Variants in ABCD3 observed in about 807,000 individuals in gnomAD.
ABCD3 encodes ATP binding cassette subfamily D member 3, also known as ATP-binding cassette sub-family D member 3.
Under a neutral mutation model 105.5 loss-of-function variants are expected in ABCD3, and 41 were observed. The ratio of observed to expected loss-of-function variants is 0.39; its 90% CI spans 0.30 to 0.50. ABCD3 has a LOEUF of 0.50. ABCD3 is among the 20% of genes least tolerant of loss of function. The pLI, the probability that ABCD3 is intolerant of heterozygous loss-of-function variation, is 0.84. For synonymous variants in ABCD3, 258 were observed against 269.0 expected (o/e 0.96, Z 0.40); for missense variants, 622 against 806.3 (o/e 0.77, Z 2.77).
At chr1:94,440,573 C>G (rs1325472246) in intron 1 of ABCD3, among the ~76,000 whole-genome samples, 1 of 152,204 alleles carries the variant, frequency 6.6e-6, no homozygotes, top group Non-Finnish European at 1.5e-5. Flanking sequence ...CCTCCCAGTT[C>G]AGCTGCTGCT....
chr1:94,513,963 T>TC (rs1205878374), intron 21 of ABCD3: 1 of 152,058 alleles, frequency 6.6e-6, no homozygotes, highest in Non-Finnish European at 1.5e-5. Context: ...ACATTAGAAG[T>TC]TTTATTTTAT....
chr1:94,472,411 A>G (rs1648525771), intron 4 of ABCD3, among the ~76,000 whole-genome samples: 1 of 150,394 alleles, frequency 6.6e-6, no homozygotes, highest in Admixed American at 6.6e-5. Flanking sequence ...ATTGCTATAA[A>G]CAACATTTTT....
In ABCD3 at chr1:94,475,279, TAGA is replaced by T. The variant is rs769203193; in HGVS notation, c.503+43_503+45del. On this transcript the variant is annotated intron_variant, in intron 6 of 22. Transcript: ENST00000370214. ...TATTTTTATATTAAAAATATTTAAATAGAAGAGTATTTATGAAGCTGATCAATA... is the reference window on the plus strand; with the variant it reads ...TATTTTTATATTAAAAATATTTAAATAGAGTATTTATGAAGCTGATCAATA... 9.3e-6 allele frequency: 12 copies of T among 1,287,158 alleles called. No individual in the cohort carries two copies. The East Asian group carries it at 1.0e-4, about 11-fold the overall frequency. The allele number at this position is 1,287,158 out of a possible 1,614,324, so 79.7% of individuals were successfully genotyped here. A position where few individuals can be genotyped will look rare whatever the true frequency, so the allele number is the denominator to read the frequency against.
At chr1:94,444,218 G>C (rs1270000720) in intron 1 of ABCD3, among the ~76,000 whole-genome samples, 1 of 151,344 alleles carries the variant, frequency 6.6e-6, no homozygotes, top group African/African-American at 2.4e-5. Flanking sequence ...TGTAGTCCAA[G>C]CTACTTAGGA....
Position 94,487,925 on chromosome 1 carries a change from A to T in ABCD3, c.1099A>T (p.Met367Leu). Residue 367 changes from methionine (M) to leucine (L), a missense_variant, in exon 13 of 23, where the codon ATG (methionine) becomes TTG (leucine). Physicochemically the swap from Met to Leu is conservative, Grantham distance 15. Around this residue, in one of 4 missense-constraint regions of ABCD3, gnomAD observed 3 missense variants for 20.0 expected, o/e 0.15. Transcript: ENST00000370214. ...YYQSGRMLLR[M>L]SQALGRIVLA... ...CCAAAGTGGAAGAATGCTTTTGCGAATGTCTCAAGCTCTGGGTCGAATAGT... is the reference window on the plus strand; with the variant it reads ...CCAAAGTGGAAGAATGCTTTTGCGATTGTCTCAAGCTCTGGGTCGAATAGT... 6.2e-7 allele frequency: 1 copy of T among 1,613,932 alleles called. No individual in the cohort carries two copies. Among genetic ancestry groups the T allele is most frequent in the Non-Finnish European group, 8.5e-7 (1 of 1,179,890 alleles).
At chr1:94,472,128 T>C (rs1648485744) in intron 4 of ABCD3, 1 of 610,068 alleles carries the variant, frequency 1.6e-6, no homozygotes, top group South Asian at 7.2e-5. Flanking sequence ...TTGTAGTGAT[T>C]AGGGCTATTG....
At chr1:94,506,174 C>T (rs1421815975) in intron 20 of ABCD3, among the ~76,000 whole-genome samples, 2 of 152,024 alleles carry the variant, frequency 1.3e-5, no homozygotes, top group East Asian at 1.9e-4. Flanking sequence ...GACCTTTTTG[C>T]GTCGGAGTCA....
intron 1 of ABCD3, chr1:94,432,733 TAA>T (rs762338430): frequency 6.6e-6 from 1 of 152,206 alleles, no homozygotes; most frequent in Non-Finnish European, 1.5e-5. Context: ...ATTCAGGGGT[TAA>T]AAAAGGTTTT....
intron 1 of ABCD3, 101 bp from the exon 2 acceptor site, chr1:94,458,506 A>G: frequency 9.5e-7 from 1 of 1,050,830 alleles, no homozygotes; most frequent in Non-Finnish European, 1.5e-6. Context: ...AAAAGAAGAA[A>G]CGCTTTTAAA....
At chr1:94,506,847 G>C (rs1650379215) in intron 21 of ABCD3, among the ~76,000 whole-genome samples, 1 of 151,522 alleles carries the variant, frequency 6.6e-6, no homozygotes, top group Non-Finnish European at 1.5e-5. Context: ...CTTTATATAT[G>C]GGAAATAGAT....
At chr1:94,412,273 C>G in the ABCD3 span, among the ~76,000 whole-genome samples, 2 of 152,066 alleles carry the variant, frequency 1.3e-5, no homozygotes, top group African/African-American at 4.8e-5. Flanking sequence ...ACTAAGTTAC[C>G]CTTCTTGCAG....
In ABCD3 at chr1:94,498,689, A is replaced by G. The variant is rs777090814; in HGVS notation, c.1464+10A>G. 1.2e-6 allele frequency: 2 copies of G among 1,613,684 alleles called. No individual in the cohort carries two copies. The highest frequency in any genetic ancestry group is 3.3e-5 in the Admixed American group (2 of 59,946). ...CCGTGTTCTTGGTGAAGTAAGTACA[A>G]GTTGGCCTCAAAATTTTGCAGTCTT... On this transcript the variant is annotated intron_variant, in intron 17 of 22. Transcript: ENST00000370214.
chr1:94,488,920 A>G (rs1225733058), intron 13 of ABCD3, among the ~76,000 whole-genome samples: 1 of 143,050 alleles, frequency 7.0e-6, no homozygotes, highest in Admixed American at 7.1e-5. Context: ...TCTTTTTTCC[A>G]CTTTGTTGAG....
At chr1:94,487,366 G>GA (rs1172167406) in intron 10 of ABCD3, among the ~76,000 whole-genome samples, 176 bp from the exon 11 acceptor site, 4 of 152,160 alleles carry the variant, frequency 2.6e-5, no homozygotes, top group Admixed American at 1.3e-4. Context: ...CCCGCTCTGT[G>GA]AAGAGCATTG....
the ABCD3 span, among the ~76,000 whole-genome samples, chr1:94,390,061 A>C: frequency 1.3e-5 from 2 of 152,092 alleles, no homozygotes; most frequent in African/African-American, 4.8e-5. Context: ...GTCCTTACTG[A>C]TGGAAATTAA....
chr1:94,495,521 A>C (rs1364582443), intron 16 of ABCD3, among the ~76,000 whole-genome samples: 1 of 152,322 alleles, frequency 6.6e-6, no homozygotes, highest in East Asian at 1.9e-4. Context: ...AACACTACCA[A>C]ATGCCGTGAA....
chr1:94,418,565 G>A lies in ABCD3; in HGVS notation c.87G>A (p.Arg29=), dbSNP rs371599620. The A allele has an allele frequency of 2.5e-6, 4 of 1,601,894 alleles. No individual in the cohort carries two copies. The highest frequency in any genetic ancestry group is 1.1e-5 in the South Asian group (1 of 90,434). ...AFLLLCLLHK[R]RRALGLHGKK... is the part of the protein sequence containing the mutation. The stretch of plus-strand genomic sequence containing the variant: ...TGCTGCTCTGCCTGCTCCACAAGCG[G>A]CGCCGCGCCCTCGGCCTGCACGGGT... Residue 29 remains arginine (R), a synonymous_variant, in exon 1 of 23, where the codon CGG becomes CGA. Coordinates refer to ENST00000370214, the MANE Select transcript of ABCD3 (RefSeq NM_002858.4).
the ABCD3 span, among the ~76,000 whole-genome samples, chr1:94,397,594 A>G: frequency 7.9e-5 from 12 of 152,356 alleles, no homozygotes; most frequent in South Asian, 2.5e-3. Context: ...GACACATGAT[A>G]TCAACATGTG....
At chr1:94,459,579 C>G (rs1465464663) in intron 2 of ABCD3, among the ~76,000 whole-genome samples, 1 of 152,098 alleles carries the variant, frequency 6.6e-6, no homozygotes, top group Non-Finnish European at 1.5e-5. Flanking sequence ...TTTTTGACAA[C>G]TCTATATCTC....
Sources: allele counts gnomAD v4.1 joint callset (sites outside exome capture counted in the v4.1 genomes callset), GRCh38; gene constraint gnomAD v4.1.1; regional missense constraint gnomAD v4.1.1; transcripts MANE v1.5; gene names NCBI Gene and HGNC (gene_info 2026-07-23, HGNC 2026-07-21).